The following CAPS2 variants were observed in gnomAD, a reference collection of about 807,000 sequenced individuals.
The protein encoded by CAPS2 is calcyphosine 2, also known as calcyphosin-2.
CAPS2 carries 98 observed loss-of-function variants against 86.5 expected under a neutral mutation model. That is an observed-to-expected ratio of 1.13 (90% CI 0.96 to 1.34). The LOEUF (loss-of-function observed/expected upper bound fraction) is 1.34, where lower values mean the gene tolerates loss of function less well. Ranked by LOEUF, CAPS2 falls within the 40% of genes most tolerant of loss-of-function variation. The pLI, the probability that CAPS2 is intolerant of heterozygous loss-of-function variation, is 0.00. For synonymous variants in CAPS2, 210 were observed against 225.1 expected, an observed-to-expected ratio of 0.93 and a Z score of 0.60; for missense variants, 729 against 686.8, an observed-to-expected ratio of 1.06 and a Z score of -0.69.
At chr12:75,295,885 T>C (rs982086234) in intron 11 of CAPS2, among the ~76,000 whole-genome samples, 4 of 152,078 alleles carry the variant, frequency 2.6e-5, no homozygotes, top group Admixed American at 2.0e-4. Flanking sequence ...TTGGAGAAAT[T>C]AGTGATCTTC....
intron 1 of CAPS2, among the ~76,000 whole-genome samples, chr12:75,337,682 T>A (rs2041830331): frequency 6.6e-6 from 1 of 152,048 alleles, no homozygotes; most frequent in Non-Finnish European, 1.5e-5. Flanking sequence ...TTATTTCATA[T>A]ATGCGTGCCA....
chr12:75,307,061 A>G (rs1462331166), intron 7 of CAPS2, among the ~76,000 whole-genome samples: 1 of 152,126 alleles, frequency 6.6e-6, no homozygotes, highest in East Asian at 1.9e-4. Context: ...GACTGAACAC[A>G]TTGTAATGGA....
chr12:75,337,446 A>G (rs566323522), intron 1 of CAPS2, among the ~76,000 whole-genome samples: 13 of 152,060 alleles, frequency 8.5e-5, no homozygotes, highest in African/African-American at 2.6e-4. Flanking sequence ...ATGGATAGAT[A>G]GAGAATATTT....
chr12:75,334,848 C>G (rs772601211), upstream of CAPS2: 2 of 1,614,064 alleles, frequency 1.2e-6, no homozygotes, highest in Admixed American at 3.3e-5. Context: ...GCATAGAAGC[C>G]CACAACGAAT....
intron 2 of CAPS2, among the ~76,000 whole-genome samples, chr12:75,324,276 CAA>C (rs2040567486): frequency 6.6e-6 from 1 of 152,066 alleles, no homozygotes; most frequent in East Asian, 1.9e-4. Context: ...AGCAACAAAA[CAA>C]AGAGACAATT....
chr12:75,304,714 G>T (rs1257726646), intron 8 of CAPS2, 43 bp downstream of exon 8: 2 of 1,380,308 alleles, frequency 1.4e-6, no homozygotes, highest in Admixed American at 2.1e-5. Context: ...AATACTTTTA[G>T]AACATAGTGC....
intron 1 of CAPS2, among the ~76,000 whole-genome samples, chr12:75,373,124 G>A (rs890381811): frequency 3.3e-5 from 5 of 152,162 alleles, no homozygotes; most frequent in Non-Finnish European, 7.3e-5. Flanking sequence ...TGACACATTG[G>A]GCACTCAGCA....
chr12:75,351,016 A>G (rs1195026211), intron 1 of CAPS2, among the ~76,000 whole-genome samples: 2 of 152,212 alleles, frequency 1.3e-5, no homozygotes, highest in Non-Finnish European at 2.9e-5. Flanking sequence ...GAACTGATGG[A>G]GCTGTAAAAC....
chr12:75,326,246 G>A (rs1178689056), intron 1 of CAPS2, among the ~76,000 whole-genome samples, 172 bp downstream of exon 2: 1 of 151,944 alleles, frequency 6.6e-6, no homozygotes, highest in Non-Finnish European at 1.5e-5. Context: ...TTCAAGCAGT[G>A]GCAATTTTTC....
At chr12:75,362,912 A>C (rs537505627) in intron 1 of CAPS2, among the ~76,000 whole-genome samples, 2 of 152,270 alleles carry the variant, frequency 1.3e-5, no homozygotes, top group Non-Finnish European at 1.5e-5. Flanking sequence ...CTTCCACGTG[A>C]TTCATCCTGT....
intron 1 of CAPS2, among the ~76,000 whole-genome samples, chr12:75,385,301 C>CA (rs548391741): frequency 3.4e-4 from 52 of 152,078 alleles, no homozygotes; most frequent in African/African-American, 1.3e-3. Flanking sequence ...GTTCAATTTG[C>CA]AAATCAACTA....
intron 1 of CAPS2, chr12:75,361,126 T>C (rs2043557009): frequency 6.6e-6 from 1 of 152,098 alleles, no homozygotes; most frequent in African/African-American, 2.4e-5. Context: ...GGAAAGTACC[T>C]CTTTGTGGCT....
intron 1 of CAPS2, among the ~76,000 whole-genome samples, chr12:75,368,715 G>A (rs925071910): frequency 1.6e-4 from 24 of 151,744 alleles, no homozygotes; most frequent in African/African-American, 5.8e-4. Flanking sequence ...TAAAAAGTTG[G>A]CATTTGGACA....
At chr12:75,309,982 C>T (rs1291060200) in intron 7 of CAPS2, among the ~76,000 whole-genome samples, 1 of 152,198 alleles carries the variant, frequency 6.6e-6, no homozygotes, top group African/African-American at 2.4e-5. Flanking sequence ...AAATTAGTCA[C>T]ATAGCTAAAC....
At chr12:75,364,915 A>C (rs535923977) in intron 1 of CAPS2, 1 of 152,260 alleles carries the variant, frequency 6.6e-6, no homozygotes, top group South Asian at 2.1e-4. Flanking sequence ...ATTTGTTTTT[A>C]ATTCTACAGG....
At chr12:75,321,676 T>C in intron 4 of CAPS2, 100 bp from the exon 5 acceptor site, 1 of 812,100 alleles carries the variant, frequency 1.2e-6, no homozygotes, top group Non-Finnish European at 2.0e-6. Flanking sequence ...ATCCATTCCT[T>C]AAAAATGACC....
At chr12:75,285,014 T>C in exon 15 of CAPS2, 1 of 1,610,742 alleles carries the variant, frequency 6.2e-7, no homozygotes, top group Non-Finnish European at 8.5e-7. Context: ...ATACCACGTT[T>C]GAATTCTCCA....
rs117644250 is a variant in CAPS2 at position 75,351,172 on chromosome 12, G to A, written c.-394-27950C>T. Among the ~76,000 whole-genome samples the A allele has an allele frequency of 3.6e-3, 542 of 152,176 alleles. 3 individuals are homozygous for A. Among genetic ancestry groups the A allele is most frequent in the South Asian group, 0.015 (71 of 4,828 alleles). ...GAAAAAAGGAACAAACAAAACCTGT[G>A]AGAACTATGAGATTATGTAAGATTG... On this transcript the variant is annotated intron_variant, in intron 1 of 5. Coordinates refer to the CAPS2 transcript ENST00000551829.
chr12:75,288,222 C>T (rs1323320231), intron 14 of CAPS2, among the ~76,000 whole-genome samples: 1 of 151,922 alleles, frequency 6.6e-6, no homozygotes, highest in Admixed American at 6.6e-5. Context: ...TTAGATGATC[C>T]CTAGTATGTA....
Sources: allele counts gnomAD v4.1 joint callset (sites outside exome capture counted in the v4.1 genomes callset), GRCh38; gene constraint gnomAD v4.1.1; transcripts MANE v1.5; gene names NCBI Gene and HGNC (gene_info 2026-07-23, HGNC 2026-07-21).